ITGA1: variants seen among roughly 807,000 people sequenced by gnomAD.
ITGA1 encodes the protein integrin subunit alpha 1.
In ITGA1, 85 loss-of-function variants were observed where a neutral mutation model predicts 145.9. That is an observed-to-expected ratio of 0.58 (90% CI 0.49 to 0.70). The LOEUF (loss-of-function observed/expected upper bound fraction) is 0.70. Among genes scored for constraint, ITGA1 ranks in the 30% least tolerant of loss-of-function variants. The pLI is 0.00. For missense variants in ITGA1, 1,351 were observed against 1,418.7 expected (o/e 0.95, Z 0.77); for synonymous variants, 520 against 495.3 (o/e 1.05, Z -0.66).
At position 52,956,134 on chromosome 5, in the gene ITGA1, A is replaced by G. The variant is rs374399684; in HGVS notation, c.*3683A>G. On this transcript the variant is annotated 3_prime_UTR_variant, in exon 29 of 29. Coordinates refer to ENST00000282588, the MANE Select transcript of ITGA1 (RefSeq NM_181501.2). ...AGTAGAGGCTGGGGAATCCCTGCCCATGTTCTCTCCAAGGCCACAGCTTGC... is the reference window on the plus strand; with the variant it reads ...AGTAGAGGCTGGGGAATCCCTGCCCGTGTTCTCTCCAAGGCCACAGCTTGC... 1.3e-5 allele frequency: 2 copies of G among 152,104 alleles called. No individual in the cohort carries two copies. Among genetic ancestry groups the G allele is most frequent in the Non-Finnish European group, 2.9e-5 (2 of 68,030 alleles). 9.4% of individuals were successfully genotyped at this position (152,104 alleles called of 1,614,324 possible).
In ITGA1 at chr5:52,836,544, C is replaced by T. The variant is rs144482868; in HGVS notation, c.62-12821C>T. Among the ~76,000 whole-genome samples, 84 of 152,238 alleles carry T rather than the reference C, an allele frequency of 5.5e-4. No individual in the cohort carries two copies. In the East Asian group the frequency reaches 0.013, roughly 23 times the overall value. The stretch of plus-strand genomic sequence containing the variant: ...CCAGAATATGAATGCGAGATGACAG[C>T]TCCCATAACAAATCACCCTTGGCCA... On this transcript the variant is annotated intron_variant, in intron 1 of 28. Coordinates refer to ENST00000282588, the MANE Select transcript of ITGA1 (RefSeq NM_181501.2).
chr5:52,829,245 G>C (rs1749018411), intron 1 of ITGA1, among the ~76,000 whole-genome samples: 1 of 152,136 alleles, frequency 6.6e-6, no homozygotes, highest in African/African-American at 2.4e-5. Flanking sequence ...AATTTTACTG[G>C]TCAGATGTGG....
At chr5:52,872,989 T>C (rs1001288859) in intron 6 of ITGA1, among the ~76,000 whole-genome samples, 1 of 152,202 alleles carries the variant, frequency 6.6e-6, no homozygotes, top group Admixed American at 6.5e-5. Flanking sequence ...TAGACTGAAT[T>C]ACATGACGAC....
At chr5:52,859,807 C>T (rs907512505) in intron 2 of ITGA1, among the ~76,000 whole-genome samples, 3 of 152,196 alleles carry the variant, frequency 2.0e-5, no homozygotes, top group Non-Finnish European at 4.4e-5. Context: ...TTCCATTGTG[C>T]ATATGTCCCT....
At chr5:52,870,464 G>C (rs899790862) in intron 6 of ITGA1, among the ~76,000 whole-genome samples, 1 of 152,104 alleles carries the variant, frequency 6.6e-6, no homozygotes, top group African/African-American at 2.4e-5. Flanking sequence ...GATTTGTAGA[G>C]AGGATTTCTC....
At position 52,948,479 on chromosome 5, in the gene ITGA1, C is replaced by T. The variant is rs144622608; in HGVS notation, c.3495+1018C>T. Reference sequence around the variant, plus strand: ...TTCTTACTCTCCTATGACTCACTTCCTCTTTTGAGGGGCTTAGTCTCAGAG... The same window carrying T: ...TTCTTACTCTCCTATGACTCACTTCTTCTTTTGAGGGGCTTAGTCTCAGAG... On this transcript the variant is annotated intron_variant, in intron 28 of 28. Transcript: ENST00000282588. Among the ~76,000 whole-genome samples the T allele has an allele frequency of 2.9e-4, 44 of 152,290 alleles. 1 individual carries two copies. The highest frequency in any genetic ancestry group is 8.9e-4 in the African/African-American group (37 of 41,578).
chr5:52,939,673 C>CA lies in ITGA1; in HGVS notation c.3165dup (p.Arg1056ThrfsTer11). On this transcript the variant is annotated frameshift_variant, in exon 25 of 29. Transcript: ENST00000282588. LOFTEE classifies it high-confidence loss of function. ...AAATGACTACATCAACTGACCATCT[C>CA]AAACGAGGCACAATTCTGGTAAATT... 1 of 1,611,494 alleles carries CA rather than the reference C, an allele frequency of 6.2e-7. No individual in the cohort carries two copies. The highest frequency in any genetic ancestry group is 1.1e-5 in the South Asian group (1 of 90,998).
intron 1 of ITGA1, chr5:52,800,272 G>C: frequency 1.0e-6 from 1 of 975,476 alleles, no homozygotes; most frequent in South Asian, 1.5e-5. Flanking sequence ...TTCCCGCCAG[G>C]CAAGTGCCCT....
intron 1 of ITGA1, among the ~76,000 whole-genome samples, chr5:52,794,671 A>G (rs955484964): frequency 1.3e-5 from 2 of 151,620 alleles, no homozygotes; most frequent in Non-Finnish European, 3.0e-5. Flanking sequence ...AACAAATAAA[A>G]CAAACAAAAA....
intron 15 of ITGA1, among the ~76,000 whole-genome samples, chr5:52,916,478 A>G (rs1750650009): frequency 6.6e-6 from 1 of 152,186 alleles, no homozygotes; most frequent in African/African-American, 2.4e-5. Context: ...AGAGTAATAA[A>G]GTATAAAAGA....
chr5:52,830,610 T>C (rs1206771692), intron 1 of ITGA1, among the ~76,000 whole-genome samples: 1 of 152,186 alleles, frequency 6.6e-6, no homozygotes, highest in Non-Finnish European at 1.5e-5. Context: ...CAAAGTTCTT[T>C]TTATACTTTT....
chr5:52,869,080 C>T (rs1243407960), intron 6 of ITGA1, among the ~76,000 whole-genome samples: 1 of 152,146 alleles, frequency 6.6e-6, no homozygotes, highest in Non-Finnish European at 1.5e-5. Context: ...TTGAACTATA[C>T]CCCAGATTTT....
At chr5:52,901,718 A>C (rs1750316078) in intron 11 of ITGA1, 1 of 152,244 alleles carries the variant, frequency 6.6e-6, no homozygotes, top group African/African-American at 2.4e-5. Flanking sequence ...GCAGATGTGG[A>C]GAATTCAACT....
At chr5:52,845,247 G>T (rs1395981439) in intron 1 of ITGA1, among the ~76,000 whole-genome samples, 1 of 152,102 alleles carries the variant, frequency 6.6e-6, no homozygotes, top group Non-Finnish European at 1.5e-5. Context: ...AAATCCTTCA[G>T]GGGGGTGAAA....
intron 1 of ITGA1, among the ~76,000 whole-genome samples, chr5:52,822,666 CTG>C (rs956067745): frequency 1.1e-4 from 17 of 152,364 alleles, no homozygotes; most frequent in African/African-American, 3.8e-4. Flanking sequence ...ACCCTTGACA[CTG>C]TCTCACCCAG....
chr5:52,844,532 A>G (rs937513116), intron 1 of ITGA1, among the ~76,000 whole-genome samples: 2 of 152,186 alleles, frequency 1.3e-5, no homozygotes, highest in South Asian at 2.1e-4. Context: ...TGCCTTCCCA[A>G]GCTTTCTTCT....
chr5:52,892,927 T>A (rs941857381), intron 8 of ITGA1, among the ~76,000 whole-genome samples: 1 of 152,026 alleles, frequency 6.6e-6, no homozygotes, highest in Non-Finnish European at 1.5e-5. Context: ...CACAACTATA[T>A]TGGTTTGTCA....
chr5:52,940,638 G>T (rs1751042306), intron 26 of ITGA1, among the ~76,000 whole-genome samples: 1 of 151,858 alleles, frequency 6.6e-6, no homozygotes, highest in African/African-American at 2.4e-5. Flanking sequence ...AGCCAAATCT[G>T]TCTGACAATA....
chr5:52,834,094 G>C (rs976065016), intron 1 of ITGA1, among the ~76,000 whole-genome samples: 3 of 152,190 alleles, frequency 2.0e-5, no homozygotes, highest in African/African-American at 7.2e-5. Flanking sequence ...TGTGAAGGCA[G>C]TTCATTCCTG....
Sources: allele counts gnomAD v4.1 joint callset (sites outside exome capture counted in the v4.1 genomes callset), GRCh38; gene constraint gnomAD v4.1.1; transcripts MANE v1.5; gene names NCBI Gene and HGNC (gene_info 2026-07-23, HGNC 2026-07-21).